Variants in ADAMTSL3 observed in about 807,000 individuals in gnomAD.
The protein encoded by ADAMTSL3 is ADAMTS like 3, also known as ADAMTS-like protein 3.
In ADAMTSL3, 128 loss-of-function variants were observed where a neutral mutation model predicts 201.7. That is an observed-to-expected ratio of 0.63 (90% CI 0.55 to 0.73). The LOEUF is 0.73. Among genes scored for constraint, ADAMTSL3 ranks in the 30% least tolerant of loss-of-function variants. ADAMTSL3 has a pLI of 0.00. For synonymous variants in ADAMTSL3, 738 were observed against 748.4 expected (o/e 0.99, Z 0.23); for missense variants, 1,990 against 2,119.6 (o/e 0.94, Z 1.20).
intron 5 of ADAMTSL3, among the ~76,000 whole-genome samples, chr15:83,815,537 T>C (rs531212123): frequency 3.6e-4 from 55 of 152,276 alleles, no homozygotes; most frequent in African/African-American, 1.3e-3. Context: ...AGCAGAAGAA[T>C]GTTTGGCATT....
intron 6 of ADAMTSL3, among the ~76,000 whole-genome samples, chr15:83,828,415 G>T (rs1186339389): frequency 6.6e-6 from 1 of 152,194 alleles, no homozygotes; most frequent in Non-Finnish European, 1.5e-5. Flanking sequence ...ATCAGCTTAA[G>T]GAGATTTTGG....
intron 11 of ADAMTSL3, 51 bp from the exon 12 acceptor site, chr15:83,891,278 A>C: frequency 7.3e-7 from 1 of 1,377,814 alleles, no homozygotes; most frequent in Non-Finnish European, 1.0e-6. Flanking sequence ...CAATTAATGA[A>C]TGTGTTAATT....
intron 7 of ADAMTSL3, among the ~76,000 whole-genome samples, chr15:83,844,761 G>T (rs2064459498): frequency 6.6e-6 from 1 of 152,162 alleles, no homozygotes; most frequent in Admixed American, 6.5e-5. Flanking sequence ...CTGGCCCTGT[G>T]CATGAAGAGA....
intron 4 of ADAMTSL3, among the ~76,000 whole-genome samples, chr15:83,786,132 A>G (rs1442235146): frequency 1.3e-5 from 2 of 152,070 alleles, no homozygotes; most frequent in African/African-American, 2.4e-5. Context: ...GTGCACCACC[A>G]CATCCACCTA....
intron 23 of ADAMTSL3, among the ~76,000 whole-genome samples, chr15:83,997,415 C>T (rs1344666115): frequency 2.0e-5 from 3 of 152,132 alleles, no homozygotes; most frequent in Admixed American, 2.0e-4. Context: ...TGATGAAACC[C>T]TGTCTCTACT....
intron 3 of ADAMTSL3, among the ~76,000 whole-genome samples, chr15:83,760,855 T>A (rs2062797377): frequency 6.6e-6 from 1 of 152,130 alleles, no homozygotes; most frequent in Non-Finnish European, 1.5e-5. Context: ...TTCTGGCCAT[T>A]ATATTTAAGG....
intron 24 of ADAMTSL3, 138 bp downstream of exon 24, chr15:84,014,862 A>T: frequency 1.2e-6 from 1 of 844,862 alleles, no homozygotes. Context: ...TGCCTGCTTA[A>T]AAACGAGCAC....
intron 15 of ADAMTSL3, among the ~76,000 whole-genome samples, chr15:83,905,201 C>G (rs1487693660): frequency 6.6e-6 from 1 of 152,166 alleles, no homozygotes; most frequent in African/African-American, 2.4e-5. Flanking sequence ...TTTCACCCAT[C>G]CTTGGGTTTA....
intron 23 of ADAMTSL3, among the ~76,000 whole-genome samples, chr15:83,994,539 T>C (rs974113442): frequency 6.6e-6 from 1 of 151,554 alleles, no homozygotes; most frequent in African/African-American, 2.4e-5. Context: ...TTGAATCCTC[T>C]CTGGAAGGAT....
chr15:83,683,137 G>A (rs1214136017), intron 2 of ADAMTSL3, among the ~76,000 whole-genome samples: 1 of 152,226 alleles, frequency 6.6e-6, no homozygotes, highest in East Asian at 1.9e-4. Flanking sequence ...TTAGTGGGGA[G>A]AATGAAAGAT....
chr15:83,698,214 A>G (rs892286391), intron 2 of ADAMTSL3, among the ~76,000 whole-genome samples: 1 of 152,140 alleles, frequency 6.6e-6, no homozygotes, highest in Non-Finnish European at 1.5e-5. Context: ...ATCAAGCAGA[A>G]CTTTCACCCA....
chr15:83,704,193 G>T (rs771622088), intron 2 of ADAMTSL3, among the ~76,000 whole-genome samples, 196 bp from the exon 3 acceptor site: 1 of 152,170 alleles, frequency 6.6e-6, no homozygotes, highest in African/African-American at 2.4e-5. Flanking sequence ...TCGGGCCACT[G>T]TGATATCCTG....
Position 83,838,144 on chromosome 15 carries a change from T to C in ADAMTSL3, c.656T>C (p.Val219Ala). The C allele has an allele frequency of 1.2e-6, 2 of 1,613,216 alleles. No individual in the cohort carries two copies. Among genetic ancestry groups the C allele is most frequent in the South Asian group, 2.2e-5 (2 of 90,868 alleles). Reference sequence around the variant, plus strand: ...AATGCCAAGGAGGACAACTGTGGAGTCTGTGCCGGCGATGGCTCCACCTGC... The same window carrying C: ...AATGCCAAGGAGGACAACTGTGGAGCCTGTGCCGGCGATGGCTCCACCTGC... ...GSNAKEDNCGVCAGDGSTCRL... is the reference protein window; with the variant it reads ...GSNAKEDNCGACAGDGSTCRL... Residue 219 changes from valine (V) to alanine (A), a missense_variant, in exon 7 of 30, where the codon GTC becomes GCC. Physicochemically the swap from Val to Ala is moderately conservative, Grantham distance 64. Coordinates refer to ENST00000286744, the MANE Select transcript of ADAMTSL3 (RefSeq NM_207517.3).
chr15:83,819,661 C>CAAAAAA (rs11301352), intron 5 of ADAMTSL3, 150 bp from the exon 6 acceptor site: 2 of 523,286 alleles, frequency 3.8e-6, no homozygotes, highest in South Asian at 2.4e-5. Flanking sequence ...AACGTTGAAT[C>CAAAAAA]AAAAAAAAAA....
chr15:83,831,784 T>C (rs997926593), intron 6 of ADAMTSL3, among the ~76,000 whole-genome samples: 19 of 152,086 alleles, frequency 1.2e-4, no homozygotes, highest in Non-Finnish European at 2.2e-4. Context: ...ACTCTAAGCA[T>C]TTGTGGGAGC....
chr15:83,662,605 A>G (rs1200058514), intron 2 of ADAMTSL3, among the ~76,000 whole-genome samples: 1 of 151,924 alleles, frequency 6.6e-6, no homozygotes, highest in Non-Finnish European at 1.5e-5. Context: ...AGAAAGAAAA[A>G]AAAAAAGTTC....
Position 84,016,437 on chromosome 15 carries a change from T to C in ADAMTSL3, c.4211T>C (p.Ile1404Thr), listed in dbSNP as rs575120433. ...IVFLQGHKKY[I>T]LQATNTRTNS... The stretch of plus-strand genomic sequence containing the variant: ...TTTCTGCAAGGACATAAAAAGTACA[T>C]TCTCCAGGCAACCAACACTAGAACC... Residue 1404 changes from isoleucine (I) to threonine (T), a missense_variant, in exon 25 of 30, where the codon ATT (isoleucine) becomes ACT (threonine). By Grantham distance (89) the Ile-to-Thr change is moderately conservative (BLOSUM62 -1). Transcript: ENST00000286744. The C allele has an allele frequency of 6.2e-7, 1 of 1,614,060 alleles. No individual in the cohort carries two copies. The highest frequency in any genetic ancestry group is 1.3e-5 in the African/African-American group (1 of 75,034).
intron 19 of ADAMTSL3, among the ~76,000 whole-genome samples, chr15:83,951,860 C>A (rs1320278809): frequency 6.6e-6 from 1 of 152,094 alleles, no homozygotes. Flanking sequence ...CTAATGTCTT[C>A]TTTTCCATCT....
intron 5 of ADAMTSL3, among the ~76,000 whole-genome samples, chr15:83,814,125 T>C (rs552134711): frequency 1.1e-3 from 169 of 152,288 alleles, no homozygotes; most frequent in African/African-American, 3.9e-3. Flanking sequence ...GGACATTTGA[T>C]GTGACCATTG....
Sources: allele counts gnomAD v4.1 joint callset (sites outside exome capture counted in the v4.1 genomes callset), GRCh38; gene constraint gnomAD v4.1.1; transcripts MANE v1.5; gene names NCBI Gene and HGNC (gene_info 2026-07-23, HGNC 2026-07-21).